The following DNAH12 variants were observed in gnomAD, a reference collection of about 807,000 sequenced individuals.
The protein encoded by DNAH12 is axonemal beta dynein heavy chain 12.
DNAH12 carries 285 observed loss-of-function variants against 371.5 expected under a neutral mutation model. That is an observed-to-expected ratio of 0.77 (90% confidence interval 0.70 to 0.85). DNAH12 has a LOEUF of 0.85. Among genes scored for constraint, DNAH12 ranks in the 40% least tolerant of loss-of-function variants. The pLI is 0.00. For synonymous variants in DNAH12, 1,200 were observed against 1,213.0 expected (o/e 0.99, Z 0.22); for missense variants, 3,611 against 3,689.4 (o/e 0.98, Z 0.55).
At chr3:57,324,178 T>A (rs2153296561) in intron 62 of DNAH12, among the ~76,000 whole-genome samples, 1 of 152,332 alleles carries the variant, frequency 6.6e-6, no homozygotes, top group Non-Finnish European at 1.5e-5. Context: ...CTGGGTGATC[T>A]CAGGAGCAAG....
intron 29 of DNAH12, among the ~76,000 whole-genome samples, chr3:57,440,063 C>T (rs760754769): frequency 1.8e-4 from 27 of 152,160 alleles, no homozygotes; most frequent in Non-Finnish European, 7.4e-5. Flanking sequence ...AGGGAATACT[C>T]ATATGCTGTT....
intron 29 of DNAH12, among the ~76,000 whole-genome samples, chr3:57,442,956 G>C (rs189292612): frequency 1.3e-5 from 2 of 152,262 alleles, no homozygotes; most frequent in East Asian, 3.9e-4. Flanking sequence ...CTTGGCAAAA[G>C]GTGGTTTATG....
At chr3:57,357,615 C>A (rs960864934) in intron 58 of DNAH12, among the ~76,000 whole-genome samples, 1 of 152,114 alleles carries the variant, frequency 6.6e-6, no homozygotes, top group African/African-American at 2.4e-5. Flanking sequence ...CAAGTTTAAA[C>A]TTTAGATTAA....
chr3:57,336,619 C>T (rs1301314370), intron 60 of DNAH12, among the ~76,000 whole-genome samples: 1 of 152,108 alleles, frequency 6.6e-6, no homozygotes, highest in Non-Finnish European at 1.5e-5. Flanking sequence ...TCTGGATCTA[C>T]ACCAAAGAAT....
At chr3:57,526,672 T>C (rs1009992484) in intron 2 of DNAH12, among the ~76,000 whole-genome samples, 1 of 151,414 alleles carries the variant, frequency 6.6e-6, no homozygotes, top group African/African-American at 2.4e-5. Flanking sequence ...ACTCCAGGTG[T>C]GCACCACCAC....
At chr3:57,519,766 T>A (rs1234768263) in intron 4 of DNAH12, 41 of 1,600,340 alleles carry the variant, frequency 2.6e-5, no homozygotes, top group Non-Finnish European at 3.4e-5. Context: ...GCGGAAGGAA[T>A]GATTACATTC....
At chr3:57,491,723 GCCAGGAGTTC>G (rs1161968309) in intron 11 of DNAH12, among the ~76,000 whole-genome samples, 5 of 152,066 alleles carry the variant, frequency 3.3e-5, no homozygotes, top group Admixed American at 1.3e-4. Context: ...ATTGCTTGAA[GCCAGGAGTTC>G]AAGATCAGCC....
Position 57,468,936 on chromosome 3 carries a change from C to A in DNAH12, c.2149G>T (p.Glu717Ter). 1 of 1,511,824 alleles carries A rather than the reference C, an allele frequency of 6.6e-7. No homozygotes were observed. The highest frequency in any genetic ancestry group is 8.8e-7 in the Non-Finnish European group (1 of 1,134,980). The allele number at this position is 1,511,824 out of a possible 1,614,324, so 93.7% of individuals were successfully genotyped here. Residue 717 changes from glutamate to a stop codon, truncating the protein, a stop_gained, in exon 17 of 74, where the codon GAG becomes TAG. Transcript: ENST00000495027. LOFTEE classifies it high-confidence loss of function. ...CGGGAAAACTCTTCCACATCAGCCT[C>A]CATGCTTTCCCCATTGAGGTCCAAA... The part of the protein sequence containing the change: ...GFLDLNGESM[E>*]ADVEEFSREI...
rs1444242748 is a variant in DNAH12, at chr3:57,328,142, A to G, written c.9979-4523T>C. Reference sequence around the variant, plus strand: ...AATTCTACCAGAGGTACAAGGAGGAACTGGTACCATTCCTTCTGAAACTAT... The same window carrying G: ...AATTCTACCAGAGGTACAAGGAGGAGCTGGTACCATTCCTTCTGAAACTAT... On this transcript the variant is annotated intron_variant, in intron 62 of 73. Transcript: ENST00000495027. 1.1e-3 allele frequency among the ~76,000 whole-genome samples: 157 copies of G among 148,198 alleles called. 1 individual carries two copies. The East Asian group carries it at 0.03, about 28-fold the overall frequency.
chr3:57,478,135 G>A (rs528851655), intron 13 of DNAH12, among the ~76,000 whole-genome samples: 1 of 152,254 alleles, frequency 6.6e-6, no homozygotes, highest in African/African-American at 2.4e-5. Context: ...TGAGCTAAAG[G>A]AGGAAGTTCG....
intron 4 of DNAH12, among the ~76,000 whole-genome samples, chr3:57,513,068 G>A (rs1362561104): frequency 1.3e-5 from 2 of 151,714 alleles, no homozygotes; most frequent in Non-Finnish European, 2.9e-5. Context: ...AATCCAGGAA[G>A]CGGAGATTGC....
chr3:57,542,576 A>T, intron 2 of DNAH12, 125 bp downstream of exon 2: 1 of 1,068,306 alleles, frequency 9.4e-7, no homozygotes, highest in Non-Finnish European at 1.3e-6. Context: ...TTGTTTTTCT[A>T]ATTAACTTGA....
intron 12 of DNAH12, among the ~76,000 whole-genome samples, chr3:57,488,889 C>T (rs535247020): frequency 2.6e-5 from 4 of 152,014 alleles, no homozygotes; most frequent in Admixed American, 6.5e-5. Context: ...ACAGCAGGCC[C>T]GATGTGGCAT....
chr3:57,322,705 G>A (rs2061836185), intron 64 of DNAH12, among the ~76,000 whole-genome samples: 1 of 152,204 alleles, frequency 6.6e-6, no homozygotes, highest in African/African-American at 2.4e-5. Flanking sequence ...TGAGGCGGGT[G>A]GATCACCTGA....
the DNAH12 span, among the ~76,000 whole-genome samples, chr3:57,554,752 A>T: frequency 6.6e-6 from 1 of 151,904 alleles, no homozygotes; most frequent in African/African-American, 2.4e-5. Flanking sequence ...AGTAGCTGGG[A>T]TTACAGGTGT....
intron 6 of DNAH12, among the ~76,000 whole-genome samples, chr3:57,508,883 A>G (rs2067877048): frequency 1.3e-5 from 2 of 152,166 alleles, no homozygotes; most frequent in South Asian, 2.1e-4. Context: ...CGCTGGAGAA[A>G]TCTGTCTGCC....
intron 28 of DNAH12, 39 bp from the exon 29 acceptor site, chr3:57,444,855 C>T: frequency 1.3e-6 from 2 of 1,524,356 alleles, no homozygotes; most frequent in Middle Eastern, 1.7e-4. Flanking sequence ...AGTTAGTTGC[C>T]AGCAATTGCA....
chr3:57,388,855 G>A (rs1250554532), intron 45 of DNAH12, among the ~76,000 whole-genome samples: 11 of 147,986 alleles, frequency 7.4e-5, no homozygotes, highest in Non-Finnish European at 1.6e-4. Context: ...ATTGAACAAT[G>A]AGAACACTTG....
intron 27 of DNAH12, among the ~76,000 whole-genome samples, chr3:57,445,812 C>A (rs2065473701): frequency 6.6e-6 from 1 of 151,758 alleles, no homozygotes; most frequent in Non-Finnish European, 1.5e-5. Flanking sequence ...CATGGTAAAA[C>A]CCCGTCTTTA....
Sources: gnomAD v4.1 joint callset for allele counts (sites outside exome capture counted in the v4.1 genomes callset) on GRCh38, gnomAD v4.1.1 for gene constraint, MANE v1.5 for transcripts, NCBI Gene and HGNC (gene_info 2026-07-23, HGNC 2026-07-21) for gene names.